The following CDH12 variants were observed in gnomAD, a reference collection of about 807,000 sequenced individuals.
CDH12 encodes cadherin-12.
CDH12 carries 41 observed loss-of-function variants against 74.1 expected under a neutral mutation model. The ratio of observed to expected loss-of-function variants is 0.55; its 90% CI spans 0.43 to 0.72. CDH12 has a LOEUF of 0.72. Among genes scored for constraint, CDH12 ranks in the 30% least tolerant of loss-of-function variants. The pLI is 0.00. For missense variants in CDH12, 945 were observed against 977.2 expected (o/e 0.97, Z 0.44); for synonymous variants, 399 against 355.0 (o/e 1.12, Z -1.39).
chr5:22,679,720 C>G (rs1051094301), intron 1 of CDH12, among the ~76,000 whole-genome samples: 2 of 152,072 alleles, frequency 1.3e-5, no homozygotes, highest in African/African-American at 4.8e-5. Flanking sequence ...ATTTGCCCTT[C>G]TATTCCTTCA....
chr5:21,999,131 A>G (rs1736459172), intron 5 of CDH12, among the ~76,000 whole-genome samples: 1 of 152,066 alleles, frequency 6.6e-6, no homozygotes, highest in Non-Finnish European at 1.5e-5. Flanking sequence ...TATTTATTTT[A>G]CAAACCAACC....
intron 3 of CDH12, among the ~76,000 whole-genome samples, chr5:22,278,249 G>A (rs567015259): frequency 1.3e-5 from 2 of 152,238 alleles, no homozygotes; most frequent in South Asian, 2.1e-4. Context: ...TAGTCATAAG[G>A]CCAACGAAAA....
At chr5:22,058,026 T>TATCTATCTATCTATCTATCTATC (rs1441145726) in intron 5 of CDH12, among the ~76,000 whole-genome samples, 1 of 148,280 alleles carries the variant, frequency 6.7e-6, no homozygotes, top group Non-Finnish European at 1.5e-5. Context: ...TCTATCTATC[T>TATCTATCTATCTATCTATCTATC]ATCTATCTAT....
chr5:22,020,495 A>G (rs1314366672), intron 5 of CDH12, among the ~76,000 whole-genome samples: 1 of 151,564 alleles, frequency 6.6e-6, no homozygotes, highest in Non-Finnish European at 1.5e-5. Flanking sequence ...CGGGGGTTGC[A>G]GTGAGCTGAG....
chr5:22,508,202 T>A (rs569671291), intron 1 of CDH12, among the ~76,000 whole-genome samples: 1 of 152,162 alleles, frequency 6.6e-6, no homozygotes, highest in Non-Finnish European at 1.5e-5. Context: ...CAGCCTACCA[T>A]AGATCATGAG....
At chr5:22,225,871 T>C (rs1475008222) in intron 3 of CDH12, among the ~76,000 whole-genome samples, 1 of 151,996 alleles carries the variant, frequency 6.6e-6, no homozygotes, top group African/African-American at 2.4e-5. Flanking sequence ...TCATTTATAA[T>C]GTTAACATTA....
At chr5:22,607,215 TG>T (rs1737162848) in intron 1 of CDH12, among the ~76,000 whole-genome samples, 1 of 152,174 alleles carries the variant, frequency 6.6e-6, no homozygotes, top group African/African-American at 2.4e-5. Flanking sequence ...TGCAGAAATT[TG>T]CATAAGTAAT....
intron 3 of CDH12, among the ~76,000 whole-genome samples, chr5:22,327,306 TAAAC>T (rs1739155780): frequency 6.6e-6 from 1 of 152,090 alleles, no homozygotes; most frequent in African/African-American, 2.4e-5. Flanking sequence ...TATAAAAAAA[TAAAC>T]AAAAATGTCA....
At chr5:21,768,675 C>G (rs886079524) in intron 11 of CDH12, among the ~76,000 whole-genome samples, 3 of 151,816 alleles carry the variant, frequency 2.0e-5, no homozygotes, top group African/African-American at 7.3e-5. Context: ...CAAGTAAAGC[C>G]CACACCCAGG....
At chr5:22,156,197 C>T (rs552277915) in intron 4 of CDH12, among the ~76,000 whole-genome samples, 1 of 152,114 alleles carries the variant, frequency 6.6e-6, no homozygotes, top group Admixed American at 6.6e-5. Flanking sequence ...CATGTCTCAT[C>T]AGAAGTCAGT....
chr5:22,445,820 G>A (rs563487874), intron 2 of CDH12, among the ~76,000 whole-genome samples: 56 of 152,204 alleles, frequency 3.7e-4, no homozygotes, highest in Admixed American at 1.4e-3. Flanking sequence ...CTTCTTCAGA[G>A]CTGCATCCTC....
intron 2 of CDH12, among the ~76,000 whole-genome samples, chr5:22,458,835 T>C (rs1745393123): frequency 1.3e-5 from 2 of 152,210 alleles, no homozygotes. Flanking sequence ...TAGTTAATCA[T>C]GCTTTGTGTT....
At chr5:22,497,894 C>T (rs1207118191) in intron 2 of CDH12, among the ~76,000 whole-genome samples, 1 of 152,056 alleles carries the variant, frequency 6.6e-6, no homozygotes, top group Admixed American at 6.6e-5. Context: ...CCGCCCAACT[C>T]AGTCTCCCAA....
intron 5 of CDH12, among the ~76,000 whole-genome samples, chr5:22,028,881 C>A (rs1349614870): frequency 6.6e-6 from 1 of 152,138 alleles, no homozygotes; most frequent in Non-Finnish European, 1.5e-5. Flanking sequence ...GCTACAGTAA[C>A]CAAAACAGCA....
intron 3 of CDH12, among the ~76,000 whole-genome samples, chr5:22,223,691 G>T (rs1029959798): frequency 6.6e-6 from 1 of 151,942 alleles, no homozygotes; most frequent in East Asian, 1.9e-4. Flanking sequence ...GCTCCTCAGC[G>T]TTCTCAGAAT....
At chr5:22,770,541 A>G (rs1746751234) in intron 1 of CDH12, among the ~76,000 whole-genome samples, 1 of 152,202 alleles carries the variant, frequency 6.6e-6, no homozygotes, top group Admixed American at 6.6e-5. Context: ...ACATATCATT[A>G]GATTAAATAC....
intron 6 of CDH12, among the ~76,000 whole-genome samples, chr5:21,898,877 T>A (rs1206831032): frequency 7.7e-5 from 1 of 12,926 alleles, no homozygotes; most frequent in African/African-American, 1.1e-4. Context: ...AATTTTATCA[T>A]GGAAGTTAAA....
intron 14 of CDH12, among the ~76,000 whole-genome samples, chr5:21,753,981 C>G (rs543041225): frequency 1.3e-3 from 205 of 151,964 alleles, no homozygotes; most frequent in African/African-American, 4.6e-3. Flanking sequence ...TGTGTGTGTT[C>G]AAGAGATAAA....
intron 3 of CDH12, among the ~76,000 whole-genome samples, chr5:22,239,989 C>G (rs547715280): frequency 6.6e-6 from 1 of 152,286 alleles, no homozygotes; most frequent in Admixed American, 6.5e-5. Flanking sequence ...TCACTATATT[C>G]TCTTCCTTAG....
Sources: allele counts gnomAD v4.1 joint callset (sites outside exome capture counted in the v4.1 genomes callset), GRCh38; gene constraint gnomAD v4.1.1; transcripts MANE v1.5; gene names NCBI Gene and HGNC (gene_info 2026-07-23, HGNC 2026-07-21).